RBBP8: variants seen among roughly 807,000 people sequenced by gnomAD.
RBBP8 encodes DNA endonuclease RBBP8.
Under a neutral mutation model 108.3 loss-of-function variants are expected in RBBP8, and 88 were observed. The ratio of observed to expected loss-of-function variants is 0.81; its 90% confidence interval spans 0.68 to 0.97. The LOEUF is 0.97. RBBP8 is among the 50% of genes least tolerant of loss of function. RBBP8 has a pLI of 0.00. For synonymous variants in RBBP8, 332 were observed against 348.2 expected (o/e 0.95, Z 0.52); for missense variants, 1,023 against 1,049.0 (o/e 0.98, Z 0.34).
chr18:22,929,166 A>G (rs1231709461), upstream of RBBP8, among the ~76,000 whole-genome samples: 1 of 152,188 alleles, frequency 6.6e-6, no homozygotes, highest in African/African-American at 2.4e-5. Context: ...TCAAAATTAT[A>G]TTTAAGAGGT....
Position 22,992,951 on chromosome 18 carries a change from C to T in RBBP8, c.1124C>T (p.Thr375Ile). The T allele has an allele frequency of 6.2e-7, 1 of 1,613,558 alleles. No individual in the cohort carries two copies. The highest frequency in any genetic ancestry group is 8.5e-7 in the Non-Finnish European group (1 of 1,179,566). Residue 375 changes from threonine to isoleucine, a missense_variant, in exon 11 of 19, where the codon ACT becomes ATT. By Grantham distance (89) the Thr-to-Ile change is moderately conservative (BLOSUM62 -1). Transcript: ENST00000327155. The part of the protein sequence containing the change: ...SNTCISRLEK[T>I]RSKSEDSALF... Reference sequence around the variant, plus strand: ...ACTTGTATATCTAGATTAGAAAAAACTAGATCAAAATCTGAAGATAGTGCC... The same window carrying T: ...ACTTGTATATCTAGATTAGAAAAAATTAGATCAAAATCTGAAGATAGTGCC...
rs1351098692 is a variant in RBBP8, at chr18:22,955,738, C to T, written c.248+6025C>T. ...GACTACAGGCGCCCACTGCCTCGCC[C>T]GGCTAATTTTTTTTTGTATTTTTAG... is the stretch of plus-strand genomic sequence containing the variant. On this transcript the variant is annotated intron_variant, in intron 4 of 18. Transcript: ENST00000327155. Among the ~76,000 whole-genome samples the T allele has an allele frequency of 4.8e-5, 7 of 144,872 alleles. No individual in the cohort carries two copies. The East Asian group carries it at 6.8e-4, about 14-fold the overall frequency.
intron 8 of RBBP8, 159 bp downstream of exon 8, chr18:22,985,149 TTATCC>T (rs1915230865): frequency 1.9e-6 from 1 of 536,428 alleles, no homozygotes; most frequent in Non-Finnish European, 2.4e-6. Flanking sequence ...GAAAGTAATG[TTATCC>T]TATTCATATA....
At chr18:22,939,609 A>C (rs1447025126) in intron 2 of RBBP8, among the ~76,000 whole-genome samples, 1 of 152,184 alleles carries the variant, frequency 6.6e-6, no homozygotes, top group Non-Finnish European at 1.5e-5. Flanking sequence ...TGAGTTTTGA[A>C]ATATGAACAA....
intron 15 of RBBP8, among the ~76,000 whole-genome samples, chr18:23,005,424 A>AT (rs1489491325): frequency 6.6e-6 from 1 of 151,716 alleles, no homozygotes; most frequent in Non-Finnish European, 1.5e-5. Flanking sequence ...AATTTTTTTT[A>AT]TTTTTTTGAG....
chr18:22,946,823 T>C (rs1362143758), intron 3 of RBBP8, among the ~76,000 whole-genome samples: 2 of 152,166 alleles, frequency 1.3e-5, no homozygotes, highest in Non-Finnish European at 2.9e-5. Context: ...GAGTTCTTTG[T>C]TGAGCCATAA....
chr18:22,996,354 G>C lies in RBBP8; in HGVS notation c.1940-20G>C, dbSNP rs756383525. The C allele has an allele frequency of 8.7e-6, 14 of 1,612,392 alleles. No individual in the cohort carries two copies. In the South Asian group the frequency reaches 1.4e-4, roughly 16 times the overall value. On this transcript the variant is annotated intron_variant, in intron 12 of 18. Coordinates refer to ENST00000327155, the MANE Select transcript of RBBP8 (RefSeq NM_002894.3). The stretch of plus-strand genomic sequence containing the variant: ...TTTGAAATCAGTTTTTTAATTGCAT[G>C]CTCTTTCCCTTTACCTAAGATGTAT...
upstream of RBBP8, among the ~76,000 whole-genome samples, chr18:22,930,774 A>C (rs1310797387): frequency 6.6e-6 from 1 of 151,904 alleles, no homozygotes; most frequent in East Asian, 1.9e-4. Flanking sequence ...TTTATTTTTT[A>C]TTTTTTTAAT....
Position 23,024,061 on chromosome 18 carries a change from T to C in RBBP8, c.2596+1791T>C, listed in dbSNP as rs7236147. Among the ~76,000 whole-genome samples the C allele has an allele frequency of 9.6e-3, 1,400 of 146,268 alleles. 13 individuals carry two copies. Among genetic ancestry groups the C allele is most frequent in the African/African-American group, 0.033 (1,318 of 39,570 alleles). ...GCCTATTTTTTTTTTTTTTTTTTTT[T>C]TCTAGTAGAGACGGGGTTTCACCAT... On this transcript the variant is annotated intron_variant, in intron 18 of 18. Coordinates refer to ENST00000327155, the MANE Select transcript of RBBP8 (RefSeq NM_002894.3).
At chr18:23,005,226 T>C (rs554726941) in intron 15 of RBBP8, among the ~76,000 whole-genome samples, 1 of 152,088 alleles carries the variant, frequency 6.6e-6, no homozygotes, top group African/African-American at 2.4e-5. Context: ...AATAGCACTA[T>C]ATGGTGACTA....
chr18:23,025,972 T>C (rs1246455434), intron 18 of RBBP8, among the ~76,000 whole-genome samples, 171 bp from the exon 19 acceptor site: 1 of 152,216 alleles, frequency 6.6e-6, no homozygotes, highest in Non-Finnish European at 1.5e-5. Context: ...TTATTATAAA[T>C]GAGGAAACTG....
intron 12 of RBBP8, among the ~76,000 whole-genome samples, chr18:22,995,569 A>G (rs2045841218): frequency 6.6e-6 from 1 of 152,118 alleles, no homozygotes; most frequent in African/African-American, 2.4e-5. Context: ...CCTTCCCCAT[A>G]TACCCTCTGC....
chr18:22,969,306 T>C (rs565604832), intron 5 of RBBP8, among the ~76,000 whole-genome samples: 8 of 152,262 alleles, frequency 5.3e-5, no homozygotes, highest in Admixed American at 3.3e-4. Context: ...TCTCTTGGTA[T>C]TTATGACATA....
Position 22,993,488 on chromosome 18 carries a change from G to T in RBBP8, c.1661G>T (p.Cys554Phe). Residue 554 changes from cysteine to phenylalanine, a missense_variant, in exon 11 of 19, where the codon TGT (cysteine) becomes TTT (phenylalanine). Physicochemically the swap from Cys to Phe is radical, Grantham distance 205 (BLOSUM62 -2). Coordinates refer to ENST00000327155, the MANE Select transcript of RBBP8 (RefSeq NM_002894.3). ...CCCAAAGATTCCCCAGGGGAGCCCT[G>T]TTCACAGGAATGCATCATCCTTCAG... ...TLPKDSPGEP[C>F]SQECIILQPL... is the part of the protein sequence containing the mutation. The T allele has an allele frequency of 6.2e-7, 1 of 1,614,090 alleles. No homozygotes were observed. The highest frequency in any genetic ancestry group is 1.1e-5 in the South Asian group (1 of 91,068).
In RBBP8 at chr18:22,993,431, G is replaced by C. The variant is rs757957937; in HGVS notation, c.1604G>C (p.Ser535Thr). 1.2e-6 allele frequency: 2 copies of C among 1,614,234 alleles called. No individual in the cohort carries two copies. Among genetic ancestry groups the C allele is most frequent in the Non-Finnish European group, 1.7e-6 (2 of 1,180,030 alleles). Residue 535 changes from serine (S) to threonine (T), a missense_variant, in exon 11 of 19, where the codon AGC becomes ACC. Ser to Thr is a moderately conservative substitution (Grantham distance 58). Coordinates refer to ENST00000327155, the MANE Select transcript of RBBP8 (RefSeq NM_002894.3). ...LKTIPKGFSS[S>T]RKASDGNCTL... is the part of the protein sequence containing the mutation. ...ACCATTCCAAAGGGCTTTTCCTCAA[G>C]CCGTAAGGCCTCAGATGGCAACTGC...
At chr18:22,975,005 G>A (rs960944741) in intron 5 of RBBP8, 148 bp from the exon 6 acceptor site, 53 of 1,007,834 alleles carry the variant, frequency 5.3e-5, no homozygotes, top group East Asian at 8.7e-5. Flanking sequence ...TTAGTTTTGC[G>A]CACACTAGTG....
At chr18:22,935,890 G>A (rs1234688989) in intron 1 of RBBP8, among the ~76,000 whole-genome samples, 2 of 152,064 alleles carry the variant, frequency 1.3e-5, no homozygotes, top group Non-Finnish European at 2.9e-5. Flanking sequence ...AGATGTTTCT[G>A]TATTCATAGA....
At position 22,992,887 on chromosome 18, in the gene RBBP8, G is replaced by T. The variant is rs749262551; in HGVS notation, c.1060G>T (p.Gly354Trp). 1 of 1,613,336 alleles carries T rather than the reference G, an allele frequency of 6.2e-7. No individual in the cohort carries two copies. The highest frequency in any genetic ancestry group is 8.5e-7 in the Non-Finnish European group (1 of 1,179,824). The change falls in exon 11 of 19, where the codon GGG becomes TGG. Residue 354 changes from glycine (G) to tryptophan (W), a missense_variant. Transcript: ENST00000327155. ...TSLSPSLLQP[G>W]KKKHLKTLPF... ...TTTGTCCCCTTCTCTTTTACAGCCTGGGAAAAAAAAACATCTGAAAACACT... is the reference window on the plus strand; with the variant it reads ...TTTGTCCCCTTCTCTTTTACAGCCTTGGAAAAAAAAACATCTGAAAACACT...
chr18:22,939,164 A>C (rs962837600), intron 2 of RBBP8, among the ~76,000 whole-genome samples: 2 of 152,188 alleles, frequency 1.3e-5, no homozygotes, highest in Non-Finnish European at 2.9e-5. Context: ...TACTATTAAA[A>C]CATAATCAAC....
Sources: allele counts gnomAD v4.1 joint callset (sites outside exome capture counted in the v4.1 genomes callset), GRCh38; gene constraint gnomAD v4.1.1; transcripts MANE v1.5; gene names NCBI Gene and HGNC (gene_info 2026-07-23, HGNC 2026-07-21).